Variants in MAPK8 observed in about 807,000 individuals in gnomAD.
MAPK8 encodes the protein mitogen-activated protein kinase 8.
A neutral mutation model predicts 52.9 loss-of-function variants in MAPK8; 13 were observed. The observed-to-expected ratio is 0.25, with a 90% CI of 0.16 to 0.39. MAPK8 has a LOEUF of 0.39. Ranked by LOEUF, MAPK8 falls within the 10% of genes least tolerant of loss-of-function variation. The probability of loss-of-function intolerance (pLI) is 1.00; values close to 1 mark genes in which losing one functional copy is unlikely to be tolerated. For missense variants in MAPK8, 300 were observed against 519.2 expected (o/e 0.58, Z 4.10); for synonymous variants, 191 against 169.8 (o/e 1.12, Z -0.97).
chr10:48,369,319 A>G (rs1848344367), intron 1 of MAPK8, among the ~76,000 whole-genome samples: 1 of 152,156 alleles, frequency 6.6e-6, no homozygotes, highest in African/African-American at 2.4e-5. Context: ...TGTAGATTGG[A>G]TATTGGAGTA....
intron 1 of MAPK8, among the ~76,000 whole-genome samples, chr10:48,314,822 T>C (rs1305614931): frequency 6.6e-6 from 1 of 152,266 alleles, no homozygotes; most frequent in East Asian, 1.9e-4. Flanking sequence ...CTCCATGCTA[T>C]TTTTTGGAAA....
At chr10:48,357,216 C>G (rs1847063281) in intron 1 of MAPK8, among the ~76,000 whole-genome samples, 2 of 152,122 alleles carry the variant, frequency 1.3e-5, no homozygotes, top group South Asian at 4.1e-4. Context: ...TACAAGTATT[C>G]TTTAATCTGT....
chr10:48,330,504 A>C (rs991393478), intron 1 of MAPK8, among the ~76,000 whole-genome samples: 1 of 152,238 alleles, frequency 6.6e-6, no homozygotes, highest in Non-Finnish European at 1.5e-5. Context: ...AAGCCAGACC[A>C]TAAAGGGATT....
chr10:48,401,560 A>C (rs2042160318), intron 1 of MAPK8, 52 bp from the exon 2 acceptor site: 1 of 1,301,946 alleles, frequency 7.7e-7, no homozygotes, highest in East Asian at 2.4e-5. Context: ...CTCAAATTTT[A>C]AGATTAAAAC....
intron 5 of MAPK8, among the ~76,000 whole-genome samples, chr10:48,419,403 A>T (rs150337299): frequency 1.3e-5 from 2 of 152,218 alleles, no homozygotes; most frequent in East Asian, 1.9e-4. Flanking sequence ...AAAGTATGTT[A>T]AACATGAAGC....
At chr10:48,314,293 C>T (rs1190799478) in intron 1 of MAPK8, among the ~76,000 whole-genome samples, 1 of 152,002 alleles carries the variant, frequency 6.6e-6, no homozygotes, top group Non-Finnish European at 1.5e-5. Context: ...GGGGCTCCAC[C>T]CTCATGACCT....
At chr10:48,400,490 T>G (rs1292724275) in intron 1 of MAPK8, among the ~76,000 whole-genome samples, 1 of 152,168 alleles carries the variant, frequency 6.6e-6, no homozygotes, top group Non-Finnish European at 1.5e-5. Flanking sequence ...GCTCCCCCTT[T>G]CTCCTGCAGT....
chr10:48,427,031 A>C lies in MAPK8; in HGVS notation c.997-49A>C. 3 of 1,388,796 alleles carry C rather than the reference A, an allele frequency of 2.2e-6. No individual in the cohort carries two copies. In the South Asian group the frequency reaches 3.5e-5, roughly 16 times the overall value. 86.0% of individuals were successfully genotyped at this position (1,388,796 alleles called of 1,614,324 possible). On this transcript the variant is annotated intron_variant, in intron 9 of 11. Coordinates refer to ENST00000374189, the MANE Select transcript of MAPK8 (RefSeq NM_001323329.2). ...AATATTTCAAATAACTACAGAGTTA[A>C]AATACTCCCAGCATACTGACTTGGT...
At chr10:48,434,328 GTTAAAC>G (rs1029166238) in intron 11 of MAPK8, among the ~76,000 whole-genome samples, 2 of 152,152 alleles carry the variant, frequency 1.3e-5, no homozygotes, top group Admixed American at 6.5e-5. Flanking sequence ...GTTTCTTCCT[GTTAAAC>G]TTAATTTTAT....
At chr10:48,317,318 A>G (rs1034194999) in intron 1 of MAPK8, among the ~76,000 whole-genome samples, 2 of 151,912 alleles carry the variant, frequency 1.3e-5, no homozygotes, top group African/African-American at 4.8e-5. Context: ...AGTAGCTGGG[A>G]CTCGGCTGGC....
chr10:48,358,357 A>T lies in MAPK8; in HGVS notation c.-49-43255A>T, dbSNP rs191202610. Among the ~76,000 whole-genome samples the T allele has an allele frequency of 9.8e-5, 15 of 152,338 alleles. No individual in the cohort carries two copies. The East Asian group carries it at 2.7e-3, about 27-fold the overall frequency. On this transcript the variant is annotated intron_variant, in intron 1 of 11. Transcript: ENST00000374189. ...TTTCTTTTTGATTATATTAGTAGTC[A>T]TCATAGTGGATATGAAGTGGTGCCT...
chr10:48,359,558 G>A (rs1847327698), intron 1 of MAPK8, among the ~76,000 whole-genome samples: 1 of 152,056 alleles, frequency 6.6e-6, no homozygotes, highest in South Asian at 2.1e-4. Context: ...TTGTGATATT[G>A]GTACAAAGGT....
At chr10:48,422,006 C>T (rs72794384) in intron 6 of MAPK8, among the ~76,000 whole-genome samples, 14,400 of 144,078 alleles carry the variant, frequency 0.1, 1,005 homozygotes, top group Non-Finnish European at 0.11. Flanking sequence ...TTTTATTTAT[C>T]TTATTTATTT....
intron 1 of MAPK8, among the ~76,000 whole-genome samples, chr10:48,370,543 G>T (rs984916628): frequency 1.1e-4 from 17 of 152,138 alleles, no homozygotes; most frequent in African/African-American, 3.6e-4. Context: ...ATAGAAAAGT[G>T]AGTTGTTAAA....
At chr10:48,403,057 T>C (rs988445895) in intron 2 of MAPK8, among the ~76,000 whole-genome samples, 5 of 152,312 alleles carry the variant, frequency 3.3e-5, no homozygotes, top group Middle Eastern at 3.4e-3. Flanking sequence ...TATATATATG[T>C]ACAAAAGATT....
chr10:48,392,970 G>A (rs1023550297), intron 1 of MAPK8, among the ~76,000 whole-genome samples: 8 of 151,990 alleles, frequency 5.3e-5, no homozygotes, highest in African/African-American at 1.7e-4. Flanking sequence ...AATGCTATTA[G>A]CCATTTTGTT....
intron 1 of MAPK8, among the ~76,000 whole-genome samples, chr10:48,350,540 C>G (rs1030677596): frequency 1.3e-5 from 2 of 152,174 alleles, no homozygotes; most frequent in African/African-American, 2.4e-5. Context: ...TCAATAGATG[C>G]AGAAAAGGCC....
chr10:48,369,304 G>A (rs1167081212), intron 1 of MAPK8, among the ~76,000 whole-genome samples: 1 of 152,200 alleles, frequency 6.6e-6, no homozygotes, highest in Non-Finnish European at 1.5e-5. Flanking sequence ...ATCTCCAGAA[G>A]TGTATGTAGA....
At chr10:48,345,231 C>A (rs1362868339) in intron 1 of MAPK8, among the ~76,000 whole-genome samples, 1 of 152,090 alleles carries the variant, frequency 6.6e-6, no homozygotes, top group Admixed American at 6.6e-5. Flanking sequence ...GCAGGAACTT[C>A]CGGTTTCATT....
Sources: gnomAD v4.1 joint callset for allele counts (sites outside exome capture counted in the v4.1 genomes callset) on GRCh38, gnomAD v4.1.1 for gene constraint, MANE v1.5 for transcripts, NCBI Gene and HGNC (gene_info 2026-07-23, HGNC 2026-07-21) for gene names.